NT5DC1: variants seen among roughly 807,000 people sequenced by gnomAD.
The protein encoded by NT5DC1 is 5'-nucleotidase domain containing 1.
A neutral mutation model predicts 59.4 loss-of-function variants in NT5DC1; 42 were observed. The ratio of observed to expected loss-of-function variants is 0.71; its 90% CI spans 0.55 to 0.92. The LOEUF (loss-of-function observed/expected upper bound fraction) is 0.92. Ranked by LOEUF, NT5DC1 falls within the 40% of genes least tolerant of loss-of-function variation. The pLI is 0.00. For missense variants in NT5DC1, 501 were observed against 537.1 expected (o/e 0.93, Z 0.66); for synonymous variants, 172 against 188.1 (o/e 0.91, Z 0.70).
chr6:116,243,705 G>A (rs950880940), intron 11 of NT5DC1, among the ~76,000 whole-genome samples: 1 of 152,060 alleles, frequency 6.6e-6, no homozygotes, highest in African/African-American at 2.4e-5. Context: ...GTCTTTATTA[G>A]CCATATGTAT....
intron 6 of NT5DC1, among the ~76,000 whole-genome samples, chr6:116,153,926 TTTC>T (rs1288243511): frequency 6.6e-6 from 1 of 152,172 alleles, no homozygotes; most frequent in Non-Finnish European, 1.5e-5. Context: ...CCAAAAGATT[TTTC>T]AAGTACCATT....
intron 6 of NT5DC1, among the ~76,000 whole-genome samples, chr6:116,217,387 G>A (rs918005774): frequency 2.6e-5 from 4 of 152,036 alleles, no homozygotes; most frequent in African/African-American, 7.2e-5. Flanking sequence ...GAAAATATCA[G>A]CATCAAAGGA....
At chr6:116,101,159 CCAG>C (rs2114892392) in intron 1 of NT5DC1, 136 bp downstream of exon 1, 1 of 628,624 alleles carries the variant, frequency 1.6e-6, no homozygotes, top group East Asian at 3.3e-5. Flanking sequence ...AGCGCGGCCT[CCAG>C]CGGCGAGAAG....
At chr6:116,198,590 A>C (rs945445851) in intron 6 of NT5DC1, among the ~76,000 whole-genome samples, 1 of 151,750 alleles carries the variant, frequency 6.6e-6, no homozygotes, top group Non-Finnish European at 1.5e-5. Flanking sequence ...AAATAGCCAG[A>C]TCTGGTGGTG....
rs558116508 is a variant in NT5DC1, at chr6:116,114,000, T to C, written c.365-1691T>C. On this transcript the variant is annotated intron_variant, in intron 4 of 11. Transcript: ENST00000319550. ...GGAGTCCTGGAGTGTCATACAGTCCTACAGCATAGCAAAGCAGAGGCAGAA... is the reference window on the plus strand; with the variant it reads ...GGAGTCCTGGAGTGTCATACAGTCCCACAGCATAGCAAAGCAGAGGCAGAA... Among the ~76,000 whole-genome samples the C allele has an allele frequency of 1.6e-4, 25 of 152,284 alleles. 1 individual carries two copies. In the East Asian group the frequency reaches 4.5e-3, roughly 27 times the overall value.
At chr6:116,243,225 A>T (rs1204826) in intron 11 of NT5DC1, among the ~76,000 whole-genome samples, 1 of 152,010 alleles carries the variant, frequency 6.6e-6, no homozygotes, top group Non-Finnish European at 1.5e-5. Flanking sequence ...AGTAACCCTC[A>T]TCCTGTGACT....
chr6:116,241,862 G>T (rs550527090), intron 11 of NT5DC1, among the ~76,000 whole-genome samples: 5 of 146,696 alleles, frequency 3.4e-5, no homozygotes, highest in African/African-American at 1.3e-4. Context: ...GGCGGAGCTT[G>T]CAGTGAGCCG....
intron 6 of NT5DC1, among the ~76,000 whole-genome samples, chr6:116,152,142 C>T (rs1010126514): frequency 1.3e-5 from 2 of 152,052 alleles, no homozygotes; most frequent in African/African-American, 2.4e-5. Context: ...GGATGCAGTG[C>T]CTTCGTTTTC....
chr6:116,178,074 TGTGTGTGTGTGTGTGCGCGCGCGCGCGC>T (rs1332788715), intron 6 of NT5DC1, among the ~76,000 whole-genome samples: 3 of 110,798 alleles, frequency 2.7e-5, no homozygotes, highest in Non-Finnish European at 5.7e-5. Flanking sequence ...TGTGTGTGTG[TGTGTGTGTGTGTGTGCGCGCGCGCGCGC>T]GTGCGTGCGT....
chr6:116,127,253 T>C (rs1017038964), intron 6 of NT5DC1, among the ~76,000 whole-genome samples: 10 of 152,138 alleles, frequency 6.6e-5, no homozygotes, highest in African/African-American at 2.4e-4. Context: ...GTCCTTTTTC[T>C]TTTCCCTTTC....
chr6:116,237,619 T>G, intron 9 of NT5DC1: 1 of 414,826 alleles, frequency 2.4e-6, no homozygotes. Context: ...TAACTCTGTT[T>G]TCACATCTGA....
intron 11 of NT5DC1, among the ~76,000 whole-genome samples, chr6:116,239,786 A>G (rs1008492515): frequency 1.3e-5 from 2 of 152,184 alleles, no homozygotes; most frequent in Non-Finnish European, 2.9e-5. Context: ...TCTAAAAACA[A>G]TTCATATAAA....
Position 116,125,438 on chromosome 6 carries a change from C to T in NT5DC1, c.529+7493C>T, listed in dbSNP as rs1369364598. ...ATTTGGTATCGTTCAGCGTAAAACA[C>T]TCCATGAACCAAGTTCAAGGATACT... On this transcript the variant is annotated intron_variant, in intron 6 of 11. Coordinates refer to ENST00000319550, the MANE Select transcript of NT5DC1 (RefSeq NM_152729.3). 6 of 1,613,708 alleles carry T rather than the reference C, an allele frequency of 3.7e-6. No individual in the cohort carries two copies. In the East Asian group the frequency reaches 6.7e-5, roughly 18 times the overall value.
Position 116,100,870 on chromosome 6 carries a change from C to A in NT5DC1, c.-61C>A. ...GGCCCGGTCCTGTCCCGCAGCGTCCCGCCAGCCAGCTCCTTGCACCCTTCG... is the reference window on the plus strand; with the variant it reads ...GGCCCGGTCCTGTCCCGCAGCGTCCAGCCAGCCAGCTCCTTGCACCCTTCG... On this transcript the variant is annotated 5_prime_UTR_variant, in exon 1 of 12. Transcript: ENST00000319550. The A allele has an allele frequency of 7.5e-7, 1 of 1,334,568 alleles. No individual in the cohort carries two copies. Among genetic ancestry groups the A allele is most frequent in the Non-Finnish European group, 1.0e-6 (1 of 972,290 alleles). 82.7% of individuals were successfully genotyped at this position (1,334,568 alleles called of 1,614,324 possible).
intron 8 of NT5DC1, among the ~76,000 whole-genome samples, chr6:116,230,872 CCAA>C (rs750767907): frequency 5.3e-5 from 8 of 152,068 alleles, no homozygotes; most frequent in Non-Finnish European, 8.8e-5. Context: ...TAGCACAATT[CCAA>C]CAACATTAAC....
rs780293015 is a variant in NT5DC1, at chr6:116,121,695, G to T, written c.529+3750G>T. 23 of 1,613,588 alleles carry T rather than the reference G, an allele frequency of 1.4e-5. No individual in the cohort carries two copies. Among genetic ancestry groups the T allele is most frequent in the Admixed American group, 3.3e-5 (2 of 60,006 alleles). ...GGTCCAGGGATTCCAGGTGGTCCTGGTGGGCCCCGGGGTCCTGGTAGGCCA... is the reference window on the plus strand; with the variant it reads ...GGTCCAGGGATTCCAGGTGGTCCTGTTGGGCCCCGGGGTCCTGGTAGGCCA... On this transcript the variant is annotated intron_variant, in intron 6 of 11. Transcript: ENST00000319550.
intron 8 of NT5DC1, among the ~76,000 whole-genome samples, chr6:116,232,013 G>A (rs1370918244): frequency 6.6e-6 from 1 of 152,226 alleles, no homozygotes; most frequent in African/African-American, 2.4e-5. Flanking sequence ...TGCAGGCTGT[G>A]AAGTCTGAAA....
chr6:116,241,944 CAAAAAAAAA>C (rs1173659223), intron 11 of NT5DC1, among the ~76,000 whole-genome samples: 1 of 34,416 alleles, frequency 2.9e-5, no homozygotes, highest in Non-Finnish European at 4.4e-5. Flanking sequence ...AAAAACAAAA[CAAAAAAAAA>C]AAAAAACAAA....
intron 6 of NT5DC1, among the ~76,000 whole-genome samples, chr6:116,164,150 C>A (rs1780411434): frequency 6.6e-6 from 1 of 152,144 alleles, no homozygotes; most frequent in Non-Finnish European, 1.5e-5. Flanking sequence ...TGATAGTTTT[C>A]TCCTTCAGTG....
Sources: gnomAD v4.1 joint callset for allele counts (sites outside exome capture counted in the v4.1 genomes callset) on GRCh38, gnomAD v4.1.1 for gene constraint, MANE v1.5 for transcripts, NCBI Gene and HGNC (gene_info 2026-07-23, HGNC 2026-07-21) for gene names.